PVT1: variants seen among roughly 807,000 people sequenced by gnomAD.
The protein encoded by PVT1 is Pvt1 oncogene, also known as CXCR4/PVT1 fusion.
intron 2 of PVT1, among the ~76,000 whole-genome samples, chr8:127,799,791 C>G (rs1181254621): frequency 2.6e-5 from 4 of 152,160 alleles, no homozygotes; most frequent in African/African-American, 9.7e-5. Context: ...AATTATTGAG[C>G]TTTATTACTT....
At chr8:128,021,589 G>C (rs934209877) in intron 4 of PVT1, among the ~76,000 whole-genome samples, 1 of 152,082 alleles carries the variant, frequency 6.6e-6, no homozygotes, top group African/African-American at 2.4e-5. Flanking sequence ...AACCGCGCCC[G>C]GCCTGTCTGG....
rs539450547 is a variant in PVT1, at chr8:128,067,288, A to G, written n.913-2872A>G. Reference sequence around the variant, plus strand: ...ACAGGCACTTGAGAAATAAGTTTTTAAAGAGTTGATTGGATTGGTGATGTG... The same window carrying G: ...ACAGGCACTTGAGAAATAAGTTTTTGAAGAGTTGATTGGATTGGTGATGTG... On this transcript the variant is annotated intron_variant and non_coding_transcript_variant, in intron 4 of 10. Transcript: ENST00000651587. Among the ~76,000 whole-genome samples the G allele has an allele frequency of 1.4e-4, 21 of 152,278 alleles. No individual in the cohort carries two copies. The South Asian group carries it at 2.5e-3, about 18-fold the overall frequency.
At chr8:127,933,732 G>A (rs115918851) in intron 3 of PVT1, among the ~76,000 whole-genome samples, 1 of 152,274 alleles carries the variant, frequency 6.6e-6, no homozygotes, top group African/African-American at 2.4e-5. Context: ...GCTTTCTCTG[G>A]GAGTGGCCAT....
chr8:127,851,018 T>G (rs201183979), intron 2 of PVT1, among the ~76,000 whole-genome samples: 1 of 142,768 alleles, frequency 7.0e-6, no homozygotes, highest in African/African-American at 2.9e-5. Context: ...AAAAAAAAAA[T>G]TAAAAAAAAA....
chr8:127,817,197 GA>G (rs1289357364), intron 2 of PVT1, among the ~76,000 whole-genome samples: 1 of 151,884 alleles, frequency 6.6e-6, no homozygotes, highest in African/African-American at 2.4e-5. Flanking sequence ...CATCTCAAAA[GA>G]AATGCTCTTG....
At chr8:127,915,628 A>C (rs1380139370) in intron 3 of PVT1, among the ~76,000 whole-genome samples, 21 of 151,688 alleles carry the variant, frequency 1.4e-4, no homozygotes, top group Non-Finnish European at 2.4e-4. Flanking sequence ...AAAAAAAAAA[A>C]AAAAAAAGAG....
chr8:127,935,610 TAGA>T (rs756567771), intron 3 of PVT1, among the ~76,000 whole-genome samples: 11 of 152,080 alleles, frequency 7.2e-5, no homozygotes, highest in Non-Finnish European at 1.6e-4. Flanking sequence ...GTCCAAAGCC[TAGA>T]AGAAGGTGAG....
chr8:127,958,204 T>C (rs1039032557), intron 3 of PVT1, among the ~76,000 whole-genome samples: 2 of 152,160 alleles, frequency 1.3e-5, no homozygotes, highest in African/African-American at 4.8e-5. Context: ...CTTCATACTT[T>C]CTGTTTTTTT....
chr8:127,845,763 G>C (rs1815024927), intron 2 of PVT1, among the ~76,000 whole-genome samples: 1 of 152,198 alleles, frequency 6.6e-6, no homozygotes, highest in South Asian at 2.1e-4. Context: ...GTAGACCTGA[G>C]ATAATTGCAG....
At chr8:127,948,652 T>C (rs1426856481) in intron 3 of PVT1, 4 of 151,848 alleles carry the variant, frequency 2.6e-5, no homozygotes. Context: ...GGTGTCCTTA[T>C]CAGAAGAAGA....
At chr8:128,031,468 G>A (rs940845627) in intron 4 of PVT1, among the ~76,000 whole-genome samples, 15 of 152,118 alleles carry the variant, frequency 9.9e-5, no homozygotes, top group Non-Finnish European at 2.2e-4. Flanking sequence ...TTGCCTGCAC[G>A]TTGCCAGGGC....
At chr8:128,008,948 T>C (rs1299893174) in intron 4 of PVT1, 1 of 521,642 alleles carries the variant, frequency 1.9e-6, no homozygotes, top group Non-Finnish European at 4.0e-6. Flanking sequence ...TGCAAGCTAG[T>C]GAACGCTGCC....
At chr8:127,952,921 C>A (rs573243442) in intron 3 of PVT1, among the ~76,000 whole-genome samples, 2 of 152,322 alleles carry the variant, frequency 1.3e-5, no homozygotes, top group Admixed American at 6.5e-5. Context: ...CCCGCCACCA[C>A]GCCTGGCTAA....
At chr8:128,001,880 T>C (rs1817181494) in intron 4 of PVT1, among the ~76,000 whole-genome samples, 1 of 152,100 alleles carries the variant, frequency 6.6e-6, no homozygotes, top group African/African-American at 2.4e-5. Context: ...AAGGCACTAA[T>C]CCCATTCATG....
chr8:128,002,895 CTTTTT>C (rs1228393282), intron 4 of PVT1, among the ~76,000 whole-genome samples: 1 of 151,958 alleles, frequency 6.6e-6, no homozygotes, highest in Admixed American at 6.6e-5. Context: ...CTTTTCTTTT[CTTTTT>C]TTCTCTTCTT....
intron 3 of PVT1, among the ~76,000 whole-genome samples, chr8:127,931,212 T>G (rs1816202310): frequency 6.6e-6 from 1 of 152,122 alleles, no homozygotes; most frequent in Admixed American, 6.5e-5. Context: ...GGCCAAGAAC[T>G]TGGTGTTTCT....
chr8:127,797,696 C>T (rs1214011034), intron 2 of PVT1, among the ~76,000 whole-genome samples: 3 of 152,106 alleles, frequency 2.0e-5, no homozygotes, highest in Non-Finnish European at 4.4e-5. Context: ...TTGTTTATCA[C>T]GCAAAGCATG....
chr8:127,875,081 T>A (rs967903188), intron 2 of PVT1, among the ~76,000 whole-genome samples: 2 of 152,296 alleles, frequency 1.3e-5, no homozygotes, highest in Non-Finnish European at 2.9e-5. Flanking sequence ...AGAAGTGTCA[T>A]TGCTAGTTGC....
chr8:127,943,701 T>G (rs972089423), intron 3 of PVT1, among the ~76,000 whole-genome samples: 1 of 152,200 alleles, frequency 6.6e-6, no homozygotes, highest in Admixed American at 6.5e-5. Flanking sequence ...TATGTGTGTG[T>G]AAAAATCTCC....
Sources: gnomAD v4.1 joint callset for allele counts (sites outside exome capture counted in the v4.1 genomes callset) on GRCh38, gnomAD v4.1.1 for gene constraint, MANE v1.5 for transcripts, NCBI Gene and HGNC (gene_info 2026-07-23, HGNC 2026-07-21) for gene names.